The following DNM3 variants were observed in gnomAD, a reference collection of about 807,000 sequenced individuals.
The protein encoded by DNM3 is dynamin-3.
DNM3 carries 47 observed loss-of-function variants against 101.6 expected under a neutral mutation model. The ratio of observed to expected loss-of-function variants is 0.46; its 90% CI spans 0.37 to 0.59. The LOEUF (loss-of-function observed/expected upper bound fraction) is 0.59, where lower values mean the gene tolerates loss of function less well. DNM3 is among the 20% of genes least tolerant of loss of function. The probability of loss-of-function intolerance (pLI) is 0.00; values close to 1 mark genes in which losing one functional copy is unlikely to be tolerated. For missense variants in DNM3, 849 were observed against 1,085.7 expected (o/e 0.78, Z 3.06); for synonymous variants, 385 against 387.9 (o/e 0.99, Z 0.09).
chr1:172,226,691 C>T (rs1016824539), intron 14 of DNM3, among the ~76,000 whole-genome samples: 1 of 152,124 alleles, frequency 6.6e-6, no homozygotes, highest in Non-Finnish European at 1.5e-5. Flanking sequence ...GTACAATAAG[C>T]ACTCAACCAA....
chr1:172,367,165 C>T (rs770309822), intron 17 of DNM3, among the ~76,000 whole-genome samples: 2 of 151,446 alleles, frequency 1.3e-5, no homozygotes, highest in Admixed American at 6.6e-5. Flanking sequence ...TCTCAGTAGA[C>T]ACCTTATAGG....
chr1:172,276,557 A>ATGTGTGTGTGTG (rs60837783), intron 15 of DNM3, among the ~76,000 whole-genome samples: 53,637 of 144,102 alleles, frequency 0.37, 10,755 homozygotes, highest in Admixed American at 0.44. Flanking sequence ...AAAAATCTTA[A>ATGTGTGTGTGTG]TGTGTGTGTG....
At chr1:172,331,678 T>C (rs891514132) in intron 17 of DNM3, among the ~76,000 whole-genome samples, 11 of 152,312 alleles carry the variant, frequency 7.2e-5, no homozygotes, top group African/African-American at 2.4e-4. Context: ...AGATTAAGGC[T>C]GATGGCAGTA....
intron 2 of DNM3, among the ~76,000 whole-genome samples, chr1:171,928,947 G>A (rs1009164176): frequency 6.6e-6 from 1 of 152,192 alleles, no homozygotes; most frequent in Non-Finnish European, 1.5e-5. Context: ...CCATGATGGC[G>A]GCCTGCCCCT....
intron 11 of DNM3, among the ~76,000 whole-genome samples, chr1:172,080,153 G>T (rs1466645301): frequency 6.6e-6 from 1 of 152,212 alleles, no homozygotes; most frequent in Non-Finnish European, 1.5e-5. Context: ...CGAGCACTGT[G>T]CTGGGAGATC....
chr1:171,997,607 C>A (rs1444887524), intron 4 of DNM3, among the ~76,000 whole-genome samples: 1 of 152,120 alleles, frequency 6.6e-6, no homozygotes, highest in Non-Finnish European at 1.5e-5. Context: ...TATTTACAGT[C>A]GTGCTCATAT....
intron 20 of DNM3, chr1:172,394,285 C>A (rs2069779441): frequency 6.6e-6 from 1 of 152,132 alleles, no homozygotes; most frequent in African/African-American, 2.4e-5. Flanking sequence ...TAGGCGAGGC[C>A]CAGAAACAGA....
At chr1:172,038,260 C>A in intron 6 of DNM3, 59 bp from the exon 7 acceptor site, 1 of 1,589,306 alleles carries the variant, frequency 6.3e-7, no homozygotes, top group Non-Finnish European at 8.6e-7. Context: ...ATGAGTTAAT[C>A]TTTAATCTGT....
At chr1:171,872,011 A>G (rs779840730) in intron 1 of DNM3, among the ~76,000 whole-genome samples, 2 of 151,838 alleles carry the variant, frequency 1.3e-5, no homozygotes, top group Non-Finnish European at 2.9e-5. Flanking sequence ...CATGCAGACG[A>G]GCTATGGCCA....
chr1:172,277,571 T>C (rs776855552), intron 15 of DNM3, among the ~76,000 whole-genome samples: 1 of 152,050 alleles, frequency 6.6e-6, no homozygotes, highest in African/African-American at 2.4e-5. Context: ...ACACTACTGA[T>C]GTACAAAATT....
chr1:171,974,557 A>G (rs972462909), intron 2 of DNM3, among the ~76,000 whole-genome samples: 5 of 152,222 alleles, frequency 3.3e-5, no homozygotes, highest in Non-Finnish European at 5.9e-5. Context: ...TGAGTTAAAG[A>G]AAACCATAAT....
At chr1:172,000,075 A>G (rs993407966) in intron 4 of DNM3, among the ~76,000 whole-genome samples, 18 of 152,072 alleles carry the variant, frequency 1.2e-4, no homozygotes, top group African/African-American at 4.1e-4. Context: ...CTTTGAGACT[A>G]GTTGAATTGA....
At chr1:171,981,663 A>C (rs2125590640) in intron 2 of DNM3, among the ~76,000 whole-genome samples, 1 of 152,346 alleles carries the variant, frequency 6.6e-6, no homozygotes, top group Non-Finnish European at 1.5e-5. Context: ...TGATTTTTTA[A>C]ATATTCTCCT....
chr1:172,344,185 A>G (rs2066825698), intron 17 of DNM3, among the ~76,000 whole-genome samples: 1 of 152,184 alleles, frequency 6.6e-6, no homozygotes, highest in Non-Finnish European at 1.5e-5. Flanking sequence ...AGTGACTTAC[A>G]TAATTATATT....
chr1:172,336,822 T>G (rs139999332), intron 17 of DNM3, among the ~76,000 whole-genome samples: 1 of 152,238 alleles, frequency 6.6e-6, no homozygotes, highest in African/African-American at 2.4e-5. Flanking sequence ...AGAGCTCAAA[T>G]CCCAGCTCTG....
At chr1:172,340,519 G>C (rs543977751) in intron 17 of DNM3, among the ~76,000 whole-genome samples, 33 of 152,190 alleles carry the variant, frequency 2.2e-4, no homozygotes, top group Non-Finnish European at 4.4e-4. Flanking sequence ...AGCTTTTCCT[G>C]ATGGGTCACT....
intron 1 of DNM3, among the ~76,000 whole-genome samples, chr1:171,917,696 G>A (rs970629442): frequency 1.3e-5 from 2 of 152,080 alleles, no homozygotes; most frequent in Non-Finnish European, 2.9e-5. Context: ...ATAACACTGA[G>A]TCTTCAGGTT....
At chr1:172,144,844 C>G (rs2057790105) in intron 14 of DNM3, 1 of 327,070 alleles carries the variant, frequency 3.1e-6, no homozygotes, top group African/African-American at 2.2e-5. Flanking sequence ...AGGGGGAGGG[C>G]TGGGCTGGAG....
At chr1:172,142,654 A>G (rs2057645975) in intron 14 of DNM3, among the ~76,000 whole-genome samples, 1 of 152,002 alleles carries the variant, frequency 6.6e-6, no homozygotes, top group South Asian at 2.1e-4. Flanking sequence ...TGAAACAAAA[A>G]GACCGTTTAA....
Sources: gnomAD v4.1 joint callset for allele counts (sites outside exome capture counted in the v4.1 genomes callset) on GRCh38, gnomAD v4.1.1 for gene constraint, MANE v1.5 for transcripts, NCBI Gene and HGNC (gene_info 2026-07-23, HGNC 2026-07-21) for gene names.